ANKRD36C: variants seen among roughly 807,000 people sequenced by gnomAD.
ANKRD36C encodes ankyrin repeat domain 36C.
A neutral mutation model predicts 276.4 loss-of-function variants in ANKRD36C; 61 were observed. That is an observed-to-expected ratio of 0.22 (90% CI 0.18 to 0.27). The LOEUF (loss-of-function observed/expected upper bound fraction) is 0.27, where lower values mean the gene tolerates loss of function less well. ANKRD36C is among the 10% of genes least tolerant of loss of function. The pLI, the probability that ANKRD36C is intolerant of heterozygous loss-of-function variation, is 1.00. For missense variants in ANKRD36C, 1,447 were observed against 2,032.3 expected (o/e 0.71, Z 5.54); for synonymous variants, 483 against 680.1 (o/e 0.71, Z 4.51).
At chr2:95,942,783 A>G (rs1400754705) in intron 19 of ANKRD36C, among the ~76,000 whole-genome samples, 1 of 152,268 alleles carries the variant, frequency 6.6e-6, no homozygotes, top group East Asian at 1.9e-4. Flanking sequence ...TATTTGAAAC[A>G]TCAAGTCAAA....
chr2:95,986,492 T>C (rs1252822455), intron 3 of ANKRD36C: 1 of 415,450 alleles, frequency 2.4e-6, no homozygotes, highest in Non-Finnish European at 4.2e-6. Flanking sequence ...CCAAATTCAG[T>C]TGTCATGAAT....
rs774336163 is a variant in ANKRD36C at position 95,882,517 on chromosome 2, T to C, written c.3266-20A>G. ...GAGACACTGAAAAGTAAAAGAAATATATAATCCATCATATGTAAATATGAT... is the reference window on the plus strand; with the variant it reads ...GAGACACTGAAAAGTAAAAGAAATACATAATCCATCATATGTAAATATGAT... On this transcript the variant is annotated intron_variant, in intron 54 of 66. Coordinates refer to ENST00000456556, the Ensembl canonical transcript of ANKRD36C. The C allele has an allele frequency of 1.6e-4, 245 of 1,550,904 alleles. 1 individual carries two copies. Among genetic ancestry groups the C allele is most frequent in the Non-Finnish European group, 2.1e-4 (238 of 1,148,644 alleles).
chr2:95,891,703 A>G (rs1474185755), exon 46 of ANKRD36C: 5 of 1,578,828 alleles, frequency 3.2e-6, no homozygotes, highest in South Asian at 2.3e-5. Flanking sequence ...TCCTCTGGCT[A>G]TATTCAAAAC....
chr2:95,989,773 T>C (rs1286435232), intron 1 of ANKRD36C, among the ~76,000 whole-genome samples: 1 of 152,232 alleles, frequency 6.6e-6, no homozygotes, highest in Non-Finnish European at 1.5e-5. Context: ...CAGCAGTATA[T>C]GTACTGCTAC....
chr2:95,977,410 G>GT (rs1236104774), intron 6 of ANKRD36C, among the ~76,000 whole-genome samples: 2 of 151,960 alleles, frequency 1.3e-5, no homozygotes, highest in Admixed American at 6.6e-5. Flanking sequence ...AACTATTATT[G>GT]TTTTTTTATA....
intron 62 of ANKRD36C, among the ~76,000 whole-genome samples, chr2:95,856,540 T>C (rs1675416321): frequency 6.6e-6 from 1 of 152,166 alleles, no homozygotes; most frequent in African/African-American, 2.4e-5. Context: ...ACATCTAAAC[T>C]ATACCTCTCC....
chr2:95,963,801 A>G (rs1403747429), intron 6 of ANKRD36C, among the ~76,000 whole-genome samples: 1 of 112,670 alleles, frequency 8.9e-6, no homozygotes, highest in Non-Finnish European at 1.8e-5. Context: ...CTCTTTTGCC[A>G]TCTCTTTTTC....
At chr2:95,872,302 G>A in intron 59 of ANKRD36C, among the ~76,000 whole-genome samples, 1 of 149,668 alleles carries the variant, frequency 6.7e-6, no homozygotes, top group Non-Finnish European at 1.5e-5. Flanking sequence ...AAGAACGAAA[G>A]TATAACAAAC....
intron 38 of ANKRD36C, 21 bp from the exon 41 acceptor site, chr2:95,914,324 A>C: frequency 6.5e-7 from 1 of 1,546,562 alleles, no homozygotes; most frequent in Non-Finnish European, 8.7e-7. Flanking sequence ...AAAGGGATTC[A>C]TAATCACTCA....
At chr2:95,894,399 T>C (rs1367169161) in intron 44 of ANKRD36C, 1 of 152,298 alleles carries the variant, frequency 6.6e-6, no homozygotes, top group East Asian at 2.0e-4. Flanking sequence ...AAGGATAATA[T>C]ATTAGCCTCA....
chr2:95,855,341 A>G lies in ANKRD36C; in HGVS notation c.4920T>C (p.Asn1640=), dbSNP rs1163465914. 9.9e-6 allele frequency: 16 copies of G among 1,611,394 alleles called. No homozygotes were observed. In the Admixed American group the frequency reaches 2.5e-4, roughly 25 times the overall value. Reference sequence around the variant, plus strand: ...GATTCAATTCATTCACCAACATTTTATTGTCTTCTTCTAGTAAGAGACGGT... The same window carrying G: ...GATTCAATTCATTCACCAACATTTTGTTGTCTTCTTCTAGTAAGAGACGGT... Residue 1640 remains asparagine, a synonymous_variant, in exon 63 of 67, where the codon AAT becomes AAC. Coordinates refer to ENST00000456556, the Ensembl canonical transcript of ANKRD36C.
chr2:95,924,680 A>AT (rs1380460402), intron 30 of ANKRD36C, among the ~76,000 whole-genome samples: 17 of 151,778 alleles, frequency 1.1e-4, no homozygotes, highest in Non-Finnish European at 2.4e-4. Context: ...CTGATGTCTG[A>AT]TACTAATAAA....
At chr2:95,879,426 T>C (rs1676026138) in intron 58 of ANKRD36C, among the ~76,000 whole-genome samples, 1 of 151,166 alleles carries the variant, frequency 6.6e-6, no homozygotes, top group African/African-American at 2.4e-5. Context: ...ACTTGTCCAT[T>C]TTAGCATTAC....
chr2:95,889,927 A>G (rs1676297583), intron 47 of ANKRD36C, 39 bp downstream of exon 67: 3 of 1,609,382 alleles, frequency 1.9e-6, no homozygotes, highest in South Asian at 1.1e-5. Flanking sequence ...CATAGACTAT[A>G]CAGTTAATAG....
chr2:95,880,981 C>T (rs1315641472), intron 56 of ANKRD36C, among the ~76,000 whole-genome samples: 14 of 152,162 alleles, frequency 9.2e-5, no homozygotes, highest in South Asian at 8.3e-4. Context: ...GTGCTAACTG[C>T]GACTGCATGA....
chr2:95,913,666 A>C (rs187162706), intron 40 of ANKRD36C, among the ~76,000 whole-genome samples: 1 of 151,426 alleles, frequency 6.6e-6, no homozygotes, highest in Non-Finnish European at 1.5e-5. Context: ...CGTCTTCCTT[A>C]GGAAAATAGT....
chr2:95,902,951 C>G, intron 42 of ANKRD36C: 1 of 1,590,018 alleles, frequency 6.3e-7, no homozygotes, highest in South Asian at 1.1e-5. Flanking sequence ...TTTCTCGTCT[C>G]TTGTAGCCTG....
chr2:95,910,541 T>C (rs1362040481), intron 42 of ANKRD36C: 1 of 1,606,614 alleles, frequency 6.2e-7, no homozygotes, highest in Admixed American at 1.7e-5. Flanking sequence ...TTTCATTACC[T>C]TCAAGGCTGG....
rs1676708425 is a variant in ANKRD36C, at chr2:95,903,199, T to C, written c.2654-3863A>G. ...CTGCCTGTATTAGCGTAGGCTTTGATGGCTTCTACTTTGTGTCTGGGGACT... is the reference window on the plus strand; with the variant it reads ...CTGCCTGTATTAGCGTAGGCTTTGACGGCTTCTACTTTGTGTCTGGGGACT... On this transcript the variant is annotated intron_variant, in intron 42 of 66. Coordinates refer to ENST00000456556, the Ensembl canonical transcript of ANKRD36C. The C allele has an allele frequency of 3.4e-6, 5 of 1,477,466 alleles. No homozygotes were observed. In the Admixed American group the frequency reaches 1.0e-4, roughly 30 times the overall value. 91.5% of individuals were successfully genotyped at this position (1,477,466 alleles called of 1,614,324 possible). A position where few individuals can be genotyped will look rare whatever the true frequency, so the allele number is the denominator to read the frequency against.
Sources: gnomAD v4.1 joint callset for allele counts (sites outside exome capture counted in the v4.1 genomes callset) on GRCh38, gnomAD v4.1.1 for gene constraint, MANE v1.5 for transcripts, NCBI Gene and HGNC (gene_info 2026-07-23, HGNC 2026-07-21) for gene names.